ACO2: variants seen among roughly 807,000 people sequenced by gnomAD.
ACO2 encodes the protein aconitate hydratase, mitochondrial.
Under a neutral mutation model 84.5 loss-of-function variants are expected in ACO2, and 31 were observed. That is an observed-to-expected ratio of 0.37 (90% confidence interval 0.28 to 0.50). ACO2 has a LOEUF of 0.50. Ranked by LOEUF, ACO2 falls within the 20% of genes least tolerant of loss-of-function variation. The pLI is 0.97. For missense variants in ACO2, 685 were observed against 1,029.3 expected, an observed-to-expected ratio of 0.67 and a Z score of 4.58; for synonymous variants, 414 against 412.7, an observed-to-expected ratio of 1.00 and a Z score of -0.04.
At chr22:41,485,509 C>T (rs889546647) in intron 1 of ACO2, among the ~76,000 whole-genome samples, 2 of 144,470 alleles carry the variant, frequency 1.4e-5, no homozygotes, top group African/African-American at 2.6e-5. Context: ...GGCACGATCT[C>T]GGCTCACTGC....
rs1264465904 is a variant in ACO2, at chr22:41,517,702, G to A, written c.940+71G>A. On this transcript the variant is annotated intron_variant, in intron 7 of 17. Transcript: ENST00000216254. ...CCGCTCCTCCCCAAGACAGAGCTAT[G>A]CCTTTCCCTGTAGGGCAGGGGTTCT... 5.1e-6 allele frequency: 7 copies of A among 1,380,476 alleles called. No individual in the cohort carries two copies. In the South Asian group the frequency reaches 7.0e-5, roughly 14 times the overall value. 85.5% of individuals were successfully genotyped at this position (1,380,476 alleles called of 1,614,324 possible).
chr22:41,475,963 C>T (rs781758785), intron 1 of ACO2, among the ~76,000 whole-genome samples: 64 of 151,436 alleles, frequency 4.2e-4, no homozygotes, highest in Non-Finnish European at 7.8e-4. Flanking sequence ...CACTGGCTTA[C>T]TGGGTAGCTT....
intron 15 of ACO2, 93 bp from the exon 16 acceptor site, chr22:41,527,195 G>A: frequency 6.3e-7 from 1 of 1,589,414 alleles, no homozygotes; most frequent in Non-Finnish European, 8.6e-7. Context: ...AGGATGCCCA[G>A]GCGCCAGGTG....
chr22:41,469,180 C>A lies in ACO2; in HGVS notation c.34C>A (p.Gln12Lys). 1.2e-6 allele frequency: 2 copies of A among 1,607,518 alleles called. No homozygotes were observed. Among genetic ancestry groups the A allele is most frequent in the South Asian group, 2.2e-5 (2 of 90,314 alleles). ...APYSLLVTRL[Q>K]KALGVRQYHV... ...CTACAGCCTACTGGTGACTCGGCTG[C>A]AGGTGAGCGAGCTCAGGGACCTCTG... Residue 12 changes from glutamine to lysine, a missense_variant and splice_region_variant, in exon 1 of 18, where the codon CAG becomes AAG. Coordinates refer to ENST00000216254, the MANE Select transcript of ACO2 (RefSeq NM_001098.3).
intron 2 of ACO2, among the ~76,000 whole-genome samples, chr22:41,501,917 G>A (rs1158114233): frequency 6.6e-6 from 1 of 152,148 alleles, no homozygotes; most frequent in African/African-American, 2.4e-5. Context: ...GGCTGTGACA[G>A]GAGTACCCAC....
At chr22:41,484,908 C>G (rs1405322698) in intron 1 of ACO2, among the ~76,000 whole-genome samples, 3 of 128,468 alleles carry the variant, frequency 2.3e-5, no homozygotes, top group East Asian at 2.5e-4. Context: ...GAGTTTCACT[C>G]TTGTTGCCCA....
At chr22:41,512,007 C>A in intron 4 of ACO2, 39 bp downstream of exon 4, 1 of 1,549,060 alleles carries the variant, frequency 6.5e-7, no homozygotes, top group Non-Finnish European at 8.8e-7. Context: ...AGGGCCCAAG[C>A]CAGAGAAGTA....
intron 1 of ACO2, among the ~76,000 whole-genome samples, chr22:41,488,189 C>T (rs1000491903): frequency 5.3e-5 from 8 of 152,092 alleles, no homozygotes; most frequent in Admixed American, 2.6e-4. Context: ...ACGGTAGGGG[C>T]CCCATGGTGG....
Position 41,526,452 on chromosome 22 carries a change from A to G in ACO2, c.1952A>G (p.Lys651Arg). Residue 651 changes from lysine to arginine, a missense_variant and splice_region_variant, in exon 15 of 18, where the codon AAG becomes AGG. Physicochemically the swap from Lys to Arg is conservative, Grantham distance 26. Transcript: ENST00000216254. ...GPVPDTARYYKKHGIRWVVIG... is the reference protein window; with the variant it reads ...GPVPDTARYYRKHGIRWVVIG... The stretch of plus-strand genomic sequence containing the variant: ...GTCCCTGACACTGCCCGCTACTACA[A>G]GGTGGGTCAGAGTTGATAGGGGCAA... 6.2e-7 allele frequency: 1 copy of G among 1,610,972 alleles called. No individual in the cohort carries two copies. Among genetic ancestry groups the G allele is most frequent in the South Asian group, 1.1e-5 (1 of 90,878 alleles).
chr22:41,495,410 C>T (rs965806604), intron 1 of ACO2, among the ~76,000 whole-genome samples: 1 of 152,086 alleles, frequency 6.6e-6, no homozygotes, highest in Non-Finnish European at 1.5e-5. Flanking sequence ...TTCCTGTGTC[C>T]GAAAGTGCTA....
chr22:41,470,326 G>A (rs1389708285), intron 1 of ACO2, among the ~76,000 whole-genome samples: 1 of 152,076 alleles, frequency 6.6e-6, no homozygotes, highest in South Asian at 2.1e-4. Context: ...GTTGTTATGC[G>A]TTGTACTCTC....
chr22:41,524,068 C>A, intron 12 of ACO2, 127 bp downstream of exon 12: 1 of 756,584 alleles, frequency 1.3e-6, no homozygotes, highest in Non-Finnish European at 2.2e-6. Flanking sequence ...CAGGCCTTCC[C>A]AGCCTCAGGC....
chr22:41,527,571 C>T, intron 16 of ACO2, 151 bp downstream of exon 16: 1 of 1,108,948 alleles, frequency 9.0e-7, no homozygotes, highest in Non-Finnish European at 1.3e-6. Flanking sequence ...TAGGCTCACA[C>T]AGTGCACATC....
At chr22:41,513,958 T>C (rs2066456973) in intron 4 of ACO2, among the ~76,000 whole-genome samples, 1 of 152,088 alleles carries the variant, frequency 6.6e-6, no homozygotes, top group Admixed American at 6.6e-5. Flanking sequence ...GGACCACAAG[T>C]GTCTACACCG....
At chr22:41,499,127 C>T (rs1340184094) in intron 1 of ACO2, among the ~76,000 whole-genome samples, 1 of 151,802 alleles carries the variant, frequency 6.6e-6, no homozygotes, top group African/African-American at 2.4e-5. Context: ...TTAGGCACCA[C>T]CTTTTGAAGG....
chr22:41,514,534 A>G (rs1056961368), intron 4 of ACO2, among the ~76,000 whole-genome samples: 1 of 152,170 alleles, frequency 6.6e-6, no homozygotes, highest in Non-Finnish European at 1.5e-5. Flanking sequence ...AGACCCCCCG[A>G]TACAGGACGC....
At chr22:41,527,199 C>G in intron 15 of ACO2, 89 bp from the exon 16 acceptor site, 1 of 1,597,582 alleles carries the variant, frequency 6.3e-7, no homozygotes, top group East Asian at 2.2e-5. Flanking sequence ...TGCCCAGGCG[C>G]CAGGTGGGTG....
intron 2 of ACO2, among the ~76,000 whole-genome samples, chr22:41,505,879 C>A (rs1014140795): frequency 6.6e-6 from 1 of 152,110 alleles, no homozygotes; most frequent in Non-Finnish European, 1.5e-5. Context: ...AATTGTGTAC[C>A]TTAAATATGC....
chr22:41,485,844 C>T (rs1269579821), intron 1 of ACO2, among the ~76,000 whole-genome samples: 3 of 152,194 alleles, frequency 2.0e-5, no homozygotes, highest in African/African-American at 7.2e-5. Flanking sequence ...TTCTTGGCCT[C>T]CCAAAGTGCT....
Sources: allele counts gnomAD v4.1 joint callset (sites outside exome capture counted in the v4.1 genomes callset), GRCh38; gene constraint gnomAD v4.1.1; transcripts MANE v1.5; gene names NCBI Gene and HGNC (gene_info 2026-07-23, HGNC 2026-07-21).